The following PDE3B variants were observed in gnomAD, a reference collection of about 807,000 sequenced individuals.
The protein encoded by PDE3B is cGMP-inhibited 3',5'-cyclic phosphodiesterase 3B.
A neutral mutation model predicts 116.8 loss-of-function variants in PDE3B; 66 were observed. That is an observed-to-expected ratio of 0.56 (90% CI 0.46 to 0.69). PDE3B has a LOEUF of 0.69. Among genes scored for constraint, PDE3B ranks in the 30% least tolerant of loss-of-function variants. The pLI is 0.00. For missense variants in PDE3B, 1,384 were observed against 1,368.1 expected (o/e 1.01, Z -0.18); for synonymous variants, 595 against 533.6 (o/e 1.12, Z -1.59).
chr11:14,699,937 G>C lies in PDE3B; in HGVS notation c.978+54884G>C, dbSNP rs1855317381. ...TGGGACTTTTGAAATTGCTATCTCA[G>C]TGGCAGTATTTCTTGACAAATACAG... On this transcript the variant is annotated intron_variant, in intron 1 of 15. Coordinates refer to ENST00000282096, the MANE Select transcript of PDE3B (RefSeq NM_000922.4). 5.3e-5 allele frequency among the ~76,000 whole-genome samples: 8 copies of C among 151,870 alleles called. No individual in the cohort carries two copies. The South Asian group carries it at 1.7e-3, about 31-fold the overall frequency.
Position 14,643,852 on chromosome 11 carries a change from C to T in PDE3B, c.-224C>T, listed in dbSNP as rs1308314217. ...AAAGGAGGCGGCAGCTAAACTGGTC[C>T]TGGAGAGAAGCCCCTTCCGCCCCTC... On this transcript the variant is annotated 5_prime_UTR_variant, in exon 1 of 16. Transcript: ENST00000282096. 5.3e-6 allele frequency: 3 copies of T among 567,352 alleles called. No homozygotes were observed. Among genetic ancestry groups the T allele is most frequent in the Non-Finnish European group, 8.5e-6 (3 of 354,412 alleles). The allele number at this position is 567,352 out of a possible 1,614,324, so 35.1% of individuals were successfully genotyped here. A position where few individuals can be genotyped will look rare whatever the true frequency, so the allele number is the denominator to read the frequency against.
chr11:14,659,012 A>G (rs1402683945), intron 1 of PDE3B, among the ~76,000 whole-genome samples: 1 of 152,210 alleles, frequency 6.6e-6, no homozygotes, highest in Non-Finnish European at 1.5e-5. Flanking sequence ...TCATAATTTC[A>G]TCACTGAAAG....
intron 1 of PDE3B, among the ~76,000 whole-genome samples, chr11:14,700,198 T>A (rs1404787458): frequency 6.6e-6 from 1 of 151,822 alleles, no homozygotes. Flanking sequence ...TTAGTAAGGT[T>A]AATTTTTAGT....
intron 1 of PDE3B, among the ~76,000 whole-genome samples, chr11:14,675,911 G>A (rs1034617250): frequency 1.3e-5 from 2 of 152,104 alleles, no homozygotes; most frequent in Admixed American, 1.3e-4. Flanking sequence ...ACCTAAGAGT[G>A]AAATTAAGTC....
At chr11:14,709,048 C>T (rs1377610680) in intron 1 of PDE3B, among the ~76,000 whole-genome samples, 2 of 151,850 alleles carry the variant, frequency 1.3e-5, no homozygotes, top group African/African-American at 4.8e-5. Context: ...AAGCAAAATT[C>T]CAATGTTAGT....
intron 1 of PDE3B, among the ~76,000 whole-genome samples, chr11:14,770,741 G>T (rs1290732925): frequency 6.6e-6 from 1 of 151,490 alleles, no homozygotes; most frequent in Non-Finnish European, 1.5e-5. Context: ...ATTTTCTTTG[G>T]GAAGAAATAG....
chr11:14,685,446 CTTTTTT>C (rs71044017), intron 1 of PDE3B, among the ~76,000 whole-genome samples: 4 of 86,334 alleles, frequency 4.6e-5, no homozygotes, highest in Admixed American at 3.4e-4. Context: ...TTTTTCTCAT[CTTTTTT>C]TTTTTTTTTT....
At chr11:14,665,315 T>C (rs1407925295) in intron 1 of PDE3B, among the ~76,000 whole-genome samples, 1 of 152,214 alleles carries the variant, frequency 6.6e-6, no homozygotes, top group Non-Finnish European at 1.5e-5. Context: ...AATATCATAC[T>C]GAATGGGCAA....
intron 1 of PDE3B, among the ~76,000 whole-genome samples, chr11:14,745,766 A>G (rs918516726): frequency 6.6e-6 from 1 of 151,942 alleles, no homozygotes; most frequent in Admixed American, 6.5e-5. Flanking sequence ...TAAAGTACAT[A>G]CAAGGATTGT....
In PDE3B at chr11:14,690,034, C is replaced by A. The variant is rs111639916; in HGVS notation, c.978+44981C>A. On this transcript the variant is annotated intron_variant, in intron 1 of 15. Transcript: ENST00000282096. Reference sequence around the variant, plus strand: ...CACTTCTGAATATAGACTAGCTGTTCTGGTATAGGAAGGATATCAAGGAAT... The same window carrying A: ...CACTTCTGAATATAGACTAGCTGTTATGGTATAGGAAGGATATCAAGGAAT... Among the ~76,000 whole-genome samples, 880 of 152,164 alleles carry A rather than the reference C, an allele frequency of 5.8e-3. 10 individuals carry two copies. The highest frequency in any genetic ancestry group is 0.021 in the African/African-American group (851 of 41,512).
intron 2 of PDE3B, among the ~76,000 whole-genome samples, chr11:14,784,002 C>G (rs1195556495): frequency 6.6e-6 from 1 of 152,174 alleles, no homozygotes; most frequent in Non-Finnish European, 1.5e-5. Context: ...ATTAGATTCT[C>G]ATAGGAGCAC....
chr11:14,785,819 A>G (rs1858171074), intron 2 of PDE3B, among the ~76,000 whole-genome samples: 2 of 151,968 alleles, frequency 1.3e-5, no homozygotes, highest in Admixed American at 1.3e-4. Context: ...GAACTATAAC[A>G]TATTTTTCTT....
chr11:14,874,093 GTAACTAT>G (rs1163837076), downstream of PDE3B, among the ~76,000 whole-genome samples: 1 of 152,124 alleles, frequency 6.6e-6, no homozygotes, highest in Non-Finnish European at 1.5e-5. Context: ...GTGTGGTATT[GTAACTAT>G]TATAAAGTCC....
chr11:14,795,346 T>C (rs1056391850), intron 4 of PDE3B, among the ~76,000 whole-genome samples: 3 of 152,200 alleles, frequency 2.0e-5, no homozygotes, highest in African/African-American at 7.2e-5. Context: ...ACCAAATATG[T>C]ATTTCACAAT....
chr11:14,694,653 T>A (rs1056698185), intron 1 of PDE3B, among the ~76,000 whole-genome samples: 4 of 152,180 alleles, frequency 2.6e-5, no homozygotes, highest in African/African-American at 9.6e-5. Flanking sequence ...AGTGTAAATA[T>A]ACTTTTTATG....
chr11:14,727,285 T>C (rs1040170765), intron 1 of PDE3B, among the ~76,000 whole-genome samples: 3 of 152,156 alleles, frequency 2.0e-5, no homozygotes, highest in Non-Finnish European at 4.4e-5. Flanking sequence ...ATATTTACTA[T>C]GTGGGGTCTT....
chr11:14,653,160 TG>T (rs768809662), intron 1 of PDE3B, among the ~76,000 whole-genome samples: 28 of 152,228 alleles, frequency 1.8e-4, no homozygotes, highest in Non-Finnish European at 3.2e-4. Context: ...TTTGTTCTAA[TG>T]GTTTTTTTTG....
At chr11:14,696,692 T>A (rs1233625377) in intron 1 of PDE3B, among the ~76,000 whole-genome samples, 1 of 152,130 alleles carries the variant, frequency 6.6e-6, no homozygotes, top group Non-Finnish European at 1.5e-5. Flanking sequence ...TATTATGTAT[T>A]TTATATACAA....
intron 1 of PDE3B, among the ~76,000 whole-genome samples, chr11:14,691,165 G>A (rs1017087046): frequency 6.6e-6 from 1 of 152,140 alleles, no homozygotes; most frequent in African/African-American, 2.4e-5. Context: ...TGCTAGTGCT[G>A]AGTGCAATAA....
Sources: allele counts gnomAD v4.1 joint callset (sites outside exome capture counted in the v4.1 genomes callset), GRCh38; gene constraint gnomAD v4.1.1; transcripts MANE v1.5; gene names NCBI Gene and HGNC (gene_info 2026-07-23, HGNC 2026-07-21).